MAML3: variants seen among roughly 807,000 people sequenced by gnomAD.
MAML3 encodes mastermind like transcriptional coactivator 3.
A neutral mutation model predicts 101.9 loss-of-function variants in MAML3; 27 were observed. That is an observed-to-expected ratio of 0.27 (90% CI 0.20 to 0.37). The LOEUF (loss-of-function observed/expected upper bound fraction) is 0.37, where lower values mean the gene tolerates loss of function less well. Among genes scored for constraint, MAML3 ranks in the 10% least tolerant of loss-of-function variants. The probability of loss-of-function intolerance (pLI) is 1.00; values close to 1 mark genes in which losing one functional copy is unlikely to be tolerated. For missense variants in MAML3, 1,316 were observed against 1,444.9 expected (o/e 0.91, Z 1.45); for synonymous variants, 501 against 555.9 (o/e 0.90, Z 1.39).
chr4:140,015,023 GTAAT>G (rs1726620338), intron 1 of MAML3, among the ~76,000 whole-genome samples: 1 of 152,050 alleles, frequency 6.6e-6, no homozygotes, highest in African/African-American at 2.4e-5. Context: ...AATTTAAAAA[GTAAT>G]TAAAAATTTA....
At chr4:140,008,863 C>T (rs776782622) in intron 1 of MAML3, among the ~76,000 whole-genome samples, 18 of 152,166 alleles carry the variant, frequency 1.2e-4, no homozygotes, top group Non-Finnish European at 2.4e-4. Flanking sequence ...GATGTGGATC[C>T]ATGTGTATTA....
At chr4:140,092,080 ATATATACG>A (rs1181728744) in intron 1 of MAML3, among the ~76,000 whole-genome samples, 20 of 60,450 alleles carry the variant, frequency 3.3e-4, no homozygotes, top group Non-Finnish European at 9.0e-4. Context: ...ATATACGTAT[ATATATACG>A]TATATATATA....
chr4:140,146,374 T>C (rs1311446922), intron 1 of MAML3, among the ~76,000 whole-genome samples: 1 of 152,192 alleles, frequency 6.6e-6, no homozygotes, highest in Non-Finnish European at 1.5e-5. Flanking sequence ...TTAAAAAAAG[T>C]GTGCTCCTTC....
chr4:140,016,913 TA>T (rs1726650639), intron 1 of MAML3, among the ~76,000 whole-genome samples: 1 of 152,214 alleles, frequency 6.6e-6, no homozygotes, highest in African/African-American at 2.4e-5. Context: ...AAAGAATTCT[TA>T]AAGTCAACAC....
Position 139,761,674 on chromosome 4 carries a change from T to C in MAML3, c.2080-31007A>G, listed in dbSNP as rs554113779. ...AGGGGCTAAAAAGATGAACAAAGTA[T>C]ATCCCCAGGGAGCACCTAGGCTAGT... On this transcript the variant is annotated intron_variant, in intron 2 of 4. Coordinates refer to ENST00000509479, the MANE Select transcript of MAML3 (RefSeq NM_018717.5). Among the ~76,000 whole-genome samples, 9 of 152,322 alleles carry C rather than the reference T, an allele frequency of 5.9e-5. No individual in the cohort carries two copies. The South Asian group carries it at 1.9e-3, about 32-fold the overall frequency.
At chr4:140,073,592 A>C (rs1472299382) in intron 1 of MAML3, among the ~76,000 whole-genome samples, 1 of 152,114 alleles carries the variant, frequency 6.6e-6, no homozygotes, top group African/African-American at 2.4e-5. Context: ...AGTATACAAG[A>C]GACATGAGAT....
intron 1 of MAML3, among the ~76,000 whole-genome samples, chr4:140,076,950 C>T (rs928529740): frequency 1.3e-5 from 2 of 152,070 alleles, no homozygotes; most frequent in East Asian, 1.9e-4. Flanking sequence ...AGTGCAGTGG[C>T]GCAATCTCGG....
intron 1 of MAML3, among the ~76,000 whole-genome samples, chr4:139,927,334 T>C (rs1733286574): frequency 6.6e-6 from 1 of 152,228 alleles, no homozygotes; most frequent in African/African-American, 2.4e-5. Context: ...CAATATGTCT[T>C]ATTATATGAT....
At chr4:139,764,393 C>T (rs116523491) in intron 2 of MAML3, among the ~76,000 whole-genome samples, 1,846 of 152,318 alleles carry the variant, frequency 0.012, 26 homozygotes, top group African/African-American at 0.041. Context: ...GACAAGGGGA[C>T]GTCTGTGCCC....
chr4:139,797,207 AC>A (rs1202975108), intron 2 of MAML3, among the ~76,000 whole-genome samples: 2 of 152,242 alleles, frequency 1.3e-5, no homozygotes, highest in Non-Finnish European at 2.9e-5. Context: ...AGTCATAAAA[AC>A]ATGATAAAAA....
chr4:140,037,664 T>C (rs1727008614), intron 1 of MAML3, among the ~76,000 whole-genome samples: 2 of 152,252 alleles, frequency 1.3e-5, no homozygotes, highest in Non-Finnish European at 2.9e-5. Flanking sequence ...TACAGCTAAC[T>C]AGTTATGCAG....
At chr4:140,070,184 C>T (rs999987631) in intron 1 of MAML3, among the ~76,000 whole-genome samples, 1 of 152,120 alleles carries the variant, frequency 6.6e-6, no homozygotes, top group African/African-American at 2.4e-5. Context: ...TTTGTGAGGA[C>T]AAGGACACTG....
chr4:140,127,157 C>G (rs562384898), intron 1 of MAML3, among the ~76,000 whole-genome samples: 2 of 152,336 alleles, frequency 1.3e-5, no homozygotes, highest in Non-Finnish European at 2.9e-5. Flanking sequence ...TGCCTTGCCT[C>G]TCTCACCAGC....
intron 2 of MAML3, among the ~76,000 whole-genome samples, chr4:139,763,474 G>A (rs1158325538): frequency 6.6e-6 from 1 of 152,144 alleles, no homozygotes; most frequent in African/African-American, 2.4e-5. Context: ...CCTGCACCAG[G>A]GCTTCTGGTC....
chr4:139,925,068 C>A (rs1004661361), intron 1 of MAML3, among the ~76,000 whole-genome samples: 8 of 151,818 alleles, frequency 5.3e-5, no homozygotes, highest in African/African-American at 1.9e-4. Context: ...AAAAATGAGA[C>A]CTTTAGAGCA....
intron 1 of MAML3, among the ~76,000 whole-genome samples, chr4:139,924,058 C>T (rs141783094): frequency 3.9e-5 from 6 of 152,306 alleles, no homozygotes; most frequent in South Asian, 2.1e-4. Flanking sequence ...TTTTCTCTTC[C>T]TAGTGTTTGA....
chr4:139,954,786 C>G (rs1297419667), intron 1 of MAML3, among the ~76,000 whole-genome samples: 4 of 152,120 alleles, frequency 2.6e-5, no homozygotes, highest in African/African-American at 9.7e-5. Flanking sequence ...TTTCGAGTAT[C>G]TGGGATTACA....
Position 139,859,604 on chromosome 4 carries a change from AAAT to A in MAML3, c.2079+29750_2079+29752del, listed in dbSNP as rs140319140. ...ACACTGAAAATAGTGTTAACTTCAAAAATAATAACAAGCAGTATCTACTAAGTG... is the reference window on the plus strand; with the variant it reads ...ACACTGAAAATAGTGTTAACTTCAAAAATAACAAGCAGTATCTACTAAGTG... On this transcript the variant is annotated intron_variant, in intron 2 of 4. Transcript: ENST00000509479. 2.5e-3 allele frequency among the ~76,000 whole-genome samples: 386 copies of A among 152,298 alleles called. 2 individuals are homozygous for A. In the East Asian group the frequency reaches 0.025, roughly 10 times the overall value.
intron 1 of MAML3, 108 bp from the exon 2 acceptor site, chr4:139,891,075 C>CTA: frequency 7.8e-7 from 1 of 1,275,104 alleles, no homozygotes; most frequent in Non-Finnish European, 1.1e-6. Context: ...GTTTACGACA[C>CTA]ACAGGAAAGA....
Sources: gnomAD v4.1 joint callset for allele counts (sites outside exome capture counted in the v4.1 genomes callset) on GRCh38, gnomAD v4.1.1 for gene constraint, MANE v1.5 for transcripts, NCBI Gene and HGNC (gene_info 2026-07-23, HGNC 2026-07-21) for gene names.